SOX5: variants seen among roughly 807,000 people sequenced by gnomAD.
SOX5 encodes the protein SRY-box transcription factor 5.
A neutral mutation model predicts 92.0 loss-of-function variants in SOX5; 9 were observed. The observed-to-expected ratio is 0.10, with a 90% CI of 0.06 to 0.17. SOX5 has a LOEUF of 0.17. Among genes scored for constraint, SOX5 ranks in the 10% least tolerant of loss-of-function variants. The pLI, the probability that SOX5 is intolerant of heterozygous loss-of-function variation, is 1.00. For synonymous variants in SOX5, 344 were observed against 336.3 expected, an observed-to-expected ratio of 1.02 and a Z score of -0.25; for missense variants, 642 against 944.5, an observed-to-expected ratio of 0.68 and a Z score of 4.20.
At chr12:23,873,746 A>G (rs542092806) in intron 2 of SOX5, among the ~76,000 whole-genome samples, 1 of 152,332 alleles carries the variant, frequency 6.6e-6, no homozygotes, top group South Asian at 2.1e-4. Flanking sequence ...AGGAGACTAC[A>G]GGTAAAGAAT....
At chr12:24,076,937 C>A (rs1942697101) in intron 4 of SOX5, among the ~76,000 whole-genome samples, 1 of 152,046 alleles carries the variant, frequency 6.6e-6, no homozygotes, top group African/African-American at 2.4e-5. Flanking sequence ...AATCAGATTA[C>A]AATACTATTA....
chr12:23,814,470 A>G (rs2095945548), intron 3 of SOX5, among the ~76,000 whole-genome samples: 1 of 152,232 alleles, frequency 6.6e-6, no homozygotes, highest in Non-Finnish European at 1.5e-5. Context: ...CAATACTGGA[A>G]GTGAGGAAAC....
intron 4 of SOX5, among the ~76,000 whole-genome samples, chr12:24,084,051 A>C (rs896106157): frequency 6.6e-6 from 1 of 152,096 alleles, no homozygotes; most frequent in African/African-American, 2.4e-5. Flanking sequence ...AAAGGCACTG[A>C]GGAGATAAAA....
At chr12:23,648,543 C>G (rs1196835771) in intron 7 of SOX5, among the ~76,000 whole-genome samples, 1 of 152,054 alleles carries the variant, frequency 6.6e-6, no homozygotes, top group East Asian at 1.9e-4. Flanking sequence ...GTCTGGTGTT[C>G]TTATAAGCAG....
intron 1 of SOX5, among the ~76,000 whole-genome samples, chr12:23,935,073 C>G (rs1167708777): frequency 6.6e-6 from 1 of 151,222 alleles, no homozygotes; most frequent in East Asian, 1.9e-4. Context: ...ATCAAGCCTA[C>G]ATTAACGCAT....
At chr12:23,918,143 T>G (rs1358354419) in intron 1 of SOX5, among the ~76,000 whole-genome samples, 1 of 152,238 alleles carries the variant, frequency 6.6e-6, no homozygotes, top group Non-Finnish European at 1.5e-5. Flanking sequence ...ATATTATGTA[T>G]GTAGACAGAT....
chr12:24,081,336 T>C (rs1418452878), intron 4 of SOX5, among the ~76,000 whole-genome samples: 3 of 152,030 alleles, frequency 2.0e-5, no homozygotes, highest in Non-Finnish European at 4.4e-5. Flanking sequence ...TAATTAAATG[T>C]AGAATTAATT....
intron 4 of SOX5, among the ~76,000 whole-genome samples, chr12:24,203,055 T>C (rs1957684586): frequency 6.6e-6 from 1 of 152,366 alleles, no homozygotes; most frequent in South Asian, 2.1e-4. Flanking sequence ...GGTGACTTTC[T>C]ATTTCCATCA....
rs1388168814 is a variant in SOX5, at chr12:23,818,009, CCTT to C, written c.481+27971_481+27973del. ...GTTGTAAAGAAAGGAGATATTGACT[CCTT>C]CTTGGGCATTTAGAGAGATTTTATA... is the stretch of plus-strand genomic sequence containing the variant. On this transcript the variant is annotated intron_variant, in intron 3 of 14. Coordinates refer to ENST00000451604, the MANE Select transcript of SOX5 (RefSeq NM_006940.6). Among the ~76,000 whole-genome samples, 3 of 152,292 alleles carry C rather than the reference CCTT, an allele frequency of 2.0e-5. No homozygotes were observed. The East Asian group carries it at 5.8e-4, about 29-fold the overall frequency.
intron 4 of SOX5, among the ~76,000 whole-genome samples, chr12:23,753,594 T>C (rs1293712347): frequency 6.6e-6 from 1 of 151,788 alleles, no homozygotes; most frequent in Non-Finnish European, 1.5e-5. Flanking sequence ...TTACTTATTG[T>C]TCCCTCCCTC....
intron 3 of SOX5, among the ~76,000 whole-genome samples, chr12:24,266,105 G>A (rs1942986019): frequency 6.7e-6 from 1 of 148,566 alleles, no homozygotes; most frequent in African/African-American, 2.5e-5. Context: ...GTGGAGATGG[G>A]GTTTCACCAT....
At chr12:23,947,939 G>A (rs1944888870) in intron 1 of SOX5, among the ~76,000 whole-genome samples, 1 of 151,952 alleles carries the variant, frequency 6.6e-6, no homozygotes, top group Non-Finnish European at 1.5e-5. Flanking sequence ...AGTTGTATTT[G>A]CAAAAAGTAT....
At chr12:23,633,175 G>C (rs2078772467) in intron 8 of SOX5, among the ~76,000 whole-genome samples, 1 of 152,104 alleles carries the variant, frequency 6.6e-6, no homozygotes, top group Non-Finnish European at 1.5e-5. Context: ...TTTATAAAGT[G>C]AGAAGTAAGT....
chr12:24,241,905 A>G (rs1260454942), intron 3 of SOX5, among the ~76,000 whole-genome samples: 5 of 152,214 alleles, frequency 3.3e-5, no homozygotes, highest in Admixed American at 2.6e-4. Flanking sequence ...AAGTTTTCTT[A>G]CTGTCTACAG....
At chr12:24,029,161 A>G (rs1024416171) in intron 4 of SOX5, among the ~76,000 whole-genome samples, 5 of 152,018 alleles carry the variant, frequency 3.3e-5, no homozygotes, top group African/African-American at 4.8e-5. Flanking sequence ...ATTATTTTCT[A>G]TTGACTGTAG....
At chr12:24,442,468 G>C (rs1940779831) in intron 1 of SOX5, among the ~76,000 whole-genome samples, 1 of 152,144 alleles carries the variant, frequency 6.6e-6, no homozygotes, top group Non-Finnish European at 1.5e-5. Flanking sequence ...ACAAACCAAA[G>C]AGAAAAATAA....
chr12:24,111,988 G>GT (rs1947403539), intron 4 of SOX5, among the ~76,000 whole-genome samples: 1 of 152,134 alleles, frequency 6.6e-6, no homozygotes, highest in Middle Eastern at 3.2e-3. Flanking sequence ...TAACAGTGGT[G>GT]TTTTTTCTAT....
At chr12:24,347,057 T>C (rs1953382668) in intron 2 of SOX5, among the ~76,000 whole-genome samples, 1 of 152,182 alleles carries the variant, frequency 6.6e-6, no homozygotes, top group Non-Finnish European at 1.5e-5. Context: ...CAACCTGATG[T>C]TTGATAAATA....
At chr12:23,539,637 G>A (rs927139297) in intron 13 of SOX5, among the ~76,000 whole-genome samples, 6 of 151,578 alleles carry the variant, frequency 4.0e-5, no homozygotes, top group South Asian at 2.1e-4. Context: ...AAAAAGATGC[G>A]TGTATGTAAA....
Sources: allele counts gnomAD v4.1 joint callset (sites outside exome capture counted in the v4.1 genomes callset), GRCh38; gene constraint gnomAD v4.1.1; transcripts MANE v1.5; gene names NCBI Gene and HGNC (gene_info 2026-07-23, HGNC 2026-07-21).